The following DLG2 variants were observed in gnomAD, a reference collection of about 807,000 sequenced individuals.
DLG2 encodes the protein disks large homolog 2.
In DLG2, 45 loss-of-function variants were observed where a neutral mutation model predicts 132.5. The observed-to-expected ratio is 0.34, with a 90% CI of 0.27 to 0.44. The LOEUF (loss-of-function observed/expected upper bound fraction) is 0.44. DLG2 is among the 20% of genes least tolerant of loss of function. The probability of loss-of-function intolerance (pLI) is 1.00; values close to 1 mark genes in which losing one functional copy is unlikely to be tolerated. For synonymous variants in DLG2, 424 were observed against 419.6 expected, an observed-to-expected ratio of 1.01 and a Z score of -0.13; for missense variants, 1,045 against 1,196.9, an observed-to-expected ratio of 0.87 and a Z score of 1.87.
At chr11:85,430,004 TA>T (rs1459501047) in intron 3 of DLG2, among the ~76,000 whole-genome samples, 1 of 152,096 alleles carries the variant, frequency 6.6e-6, no homozygotes, top group Non-Finnish European at 1.5e-5. Flanking sequence ...GTGGCACACA[TA>T]CACCATGGAA....
chr11:84,607,032 C>T (rs1199628854), intron 6 of DLG2, among the ~76,000 whole-genome samples: 1 of 152,062 alleles, frequency 6.6e-6, no homozygotes, highest in Non-Finnish European at 1.5e-5. Context: ...GATCCAAGGT[C>T]ATCAAGAGCA....
At chr11:83,837,139 G>C (rs142884408) in intron 16 of DLG2, among the ~76,000 whole-genome samples, 1 of 152,174 alleles carries the variant, frequency 6.6e-6, no homozygotes, top group East Asian at 1.9e-4. Context: ...CAGGCAGAGT[G>C]GTTTTCCAAC....
Position 84,375,166 on chromosome 11 carries a change from T to C in DLG2, c.520-123875A>G, listed in dbSNP as rs552748108. On this transcript the variant is annotated intron_variant, in intron 7 of 27. Transcript: ENST00000376104. ...CATATTCTCATTATAACACTTTTCATAGTGGACTGTTATTAACTGATTATG... is the reference window on the plus strand; with the variant it reads ...CATATTCTCATTATAACACTTTTCACAGTGGACTGTTATTAACTGATTATG... 6.6e-5 allele frequency among the ~76,000 whole-genome samples: 10 copies of C among 152,306 alleles called. No individual in the cohort carries two copies. In the South Asian group the frequency reaches 1.7e-3, roughly 25 times the overall value.
At chr11:85,541,695 A>T (rs2075986985) in intron 3 of DLG2, among the ~76,000 whole-genome samples, 1 of 152,100 alleles carries the variant, frequency 6.6e-6, no homozygotes, top group Admixed American at 6.6e-5. Flanking sequence ...ACTTCTAAGG[A>T]TTAAAATTTT....
intron 9 of DLG2, among the ~76,000 whole-genome samples, chr11:84,120,517 G>C (rs577767165): frequency 3.9e-5 from 6 of 152,214 alleles, no homozygotes; most frequent in Admixed American, 3.3e-4. Context: ...AATAAAGCGG[G>C]GAAAAAGCCC....
chr11:84,665,553 C>G (rs958120600), intron 6 of DLG2, among the ~76,000 whole-genome samples: 2 of 152,098 alleles, frequency 1.3e-5, no homozygotes, highest in African/African-American at 4.8e-5. Context: ...TAGAAAACTC[C>G]TATTCATCCT....
At chr11:85,613,832 T>C (rs950675678) in intron 2 of DLG2, among the ~76,000 whole-genome samples, 2 of 152,218 alleles carry the variant, frequency 1.3e-5, no homozygotes, top group African/African-American at 4.8e-5. Flanking sequence ...CAATAAATCT[T>C]GCTGCTGCTC....
chr11:84,571,575 T>C (rs974974394), intron 6 of DLG2, among the ~76,000 whole-genome samples: 3 of 152,098 alleles, frequency 2.0e-5, no homozygotes, highest in African/African-American at 7.2e-5. Context: ...AGATATCAAA[T>C]GCCAATGTGT....
chr11:85,503,663 G>C (rs2093856954), intron 3 of DLG2, among the ~76,000 whole-genome samples: 1 of 152,096 alleles, frequency 6.6e-6, no homozygotes, highest in South Asian at 2.1e-4. Flanking sequence ...CAGGAATGGT[G>C]ACCCATGCCT....
intron 6 of DLG2, among the ~76,000 whole-genome samples, chr11:84,537,492 T>G (rs2099358466): frequency 6.6e-6 from 1 of 152,244 alleles, no homozygotes; most frequent in African/African-American, 2.4e-5. Flanking sequence ...TTAAGCTTCT[T>G]TTAAAATTTG....
rs1317272331 is a variant in DLG2 at position 84,567,517 on chromosome 11, C to T, written c.358-32786G>A. On this transcript the variant is annotated intron_variant, in intron 6 of 27. Coordinates refer to ENST00000376104, the MANE Select transcript of DLG2 (RefSeq NM_001142699.3). ...TCAAGTATAACATCCTCTTTAATAC[C>T]TTTTCCAACAATTAGGCTGAAATAA... 2.0e-5 allele frequency among the ~76,000 whole-genome samples: 3 copies of T among 152,204 alleles called. No homozygotes were observed. The South Asian group carries it at 6.2e-4, about 32-fold the overall frequency.
chr11:84,354,669 G>A (rs895814240), intron 7 of DLG2, among the ~76,000 whole-genome samples: 1 of 152,036 alleles, frequency 6.6e-6, no homozygotes, highest in Non-Finnish European at 1.5e-5. Flanking sequence ...TCAAACCCTA[G>A]ATCTACCACT....
intron 18 of DLG2, among the ~76,000 whole-genome samples, chr11:83,685,284 G>C (rs980012467): frequency 2.0e-5 from 3 of 152,122 alleles, no homozygotes; most frequent in African/African-American, 7.2e-5. Context: ...TAAAACATTA[G>C]TGTCTGTTTT....
chr11:85,240,203 G>T (rs1407430967), intron 4 of DLG2, among the ~76,000 whole-genome samples: 1 of 151,690 alleles, frequency 6.6e-6, no homozygotes, highest in Non-Finnish European at 1.5e-5. Flanking sequence ...TCTGTGAAAA[G>T]CCTGATTATT....
rs1220845220 is a variant in DLG2, at chr11:84,853,552, A to G, written c.357+258109T>C. Among the ~76,000 whole-genome samples, 3 of 152,136 alleles carry G rather than the reference A, an allele frequency of 2.0e-5. No homozygotes were observed. In the East Asian group the frequency reaches 5.8e-4, roughly 29 times the overall value. ...CCAATTTCAGTTTATCTGTTCTCTC[A>G]TGTATTAAAGAAACATTTATTTAGT... is the stretch of plus-strand genomic sequence containing the variant. On this transcript the variant is annotated intron_variant, in intron 6 of 27. Transcript: ENST00000376104.
intron 6 of DLG2, among the ~76,000 whole-genome samples, chr11:84,635,140 C>G (rs968398148): frequency 6.6e-6 from 1 of 152,226 alleles, no homozygotes; most frequent in African/African-American, 2.4e-5. Flanking sequence ...TTTAGCTCTT[C>G]CCAGGCAGCG....
At chr11:85,494,894 T>A (rs1597911362) in intron 3 of DLG2, among the ~76,000 whole-genome samples, 1 of 151,366 alleles carries the variant, frequency 6.6e-6, no homozygotes, top group East Asian at 1.9e-4. Flanking sequence ...AGTGATACCA[T>A]AAAAAAAACA....
chr11:85,252,172 T>C (rs1380956563), intron 4 of DLG2, among the ~76,000 whole-genome samples: 1 of 152,168 alleles, frequency 6.6e-6, no homozygotes, highest in Non-Finnish European at 1.5e-5. Flanking sequence ...AAGGAAACAT[T>C]CACAACTGGA....
intron 18 of DLG2, among the ~76,000 whole-genome samples, chr11:83,745,629 C>T (rs1430376256): frequency 1.3e-5 from 2 of 151,920 alleles, no homozygotes; most frequent in Non-Finnish European, 2.9e-5. Flanking sequence ...TGGTGAAACC[C>T]CGTCTCTACT....
Sources: gnomAD v4.1 joint callset for allele counts (sites outside exome capture counted in the v4.1 genomes callset) on GRCh38, gnomAD v4.1.1 for gene constraint, MANE v1.5 for transcripts, NCBI Gene and HGNC (gene_info 2026-07-23, HGNC 2026-07-21) for gene names.